The following CHST14 variants were observed in gnomAD, a reference collection of about 807,000 sequenced individuals.
CHST14 encodes carbohydrate (N-acetylgalactosamine 4-0) sulfotransferase 14.
CHST14 carries 13 observed loss-of-function variants against 22.7 expected under a neutral mutation model. The observed-to-expected ratio is 0.57, with a 90% CI of 0.37 to 0.91. The LOEUF (loss-of-function observed/expected upper bound fraction) is 0.91. Among genes scored for constraint, CHST14 ranks in the 40% least tolerant of loss-of-function variants. CHST14 has a pLI of 0.01. For missense variants in CHST14, 466 were observed against 513.1 expected (o/e 0.91, Z 0.89); for synonymous variants, 233 against 231.9 (o/e 1.00, Z -0.04).
Position 40,472,055 on chromosome 15 carries a change from C to T in CHST14, c.842C>T (p.Pro281Leu), listed in dbSNP as rs267606729. The T allele has an allele frequency of 7.4e-6, 12 of 1,614,152 alleles. No individual in the cohort carries two copies. The East Asian group carries it at 2.7e-4, about 36-fold the overall frequency. ...DPERMNEHWM[P>L]VYHLCQPCAV... is the part of the protein sequence containing the mutation. ...GAGCGCATGAATGAGCATTGGATGC[C>T]CGTGTACCACCTGTGCCAGCCTTGT... is the stretch of plus-strand genomic sequence containing the variant. Residue 281 changes from proline (P) to leucine (L), a missense_variant, in exon 1 of 1, where the codon CCC (proline) becomes CTC (leucine). Physicochemically the swap from Pro to Leu is moderately conservative, Grantham distance 98. Transcript: ENST00000306243.
At position 40,471,540 on chromosome 15, in the gene CHST14, G is replaced by A. The variant is rs1293305391; in HGVS notation, c.327G>A (p.Arg109=). The A allele has an allele frequency of 6.2e-7, 1 of 1,605,018 alleles. No homozygotes were observed. The highest frequency in any genetic ancestry group is 8.5e-7 in the Non-Finnish European group (1 of 1,177,778). ...DADLQVRQDV[R]NRTLRAVCGQ... Reference sequence around the variant, plus strand: ...ACTTGCAAGTGCGGCAGGACGTCCGGAACAGGACCCTGCGGGCGGTGTGCG... The same window carrying A: ...ACTTGCAAGTGCGGCAGGACGTCCGAAACAGGACCCTGCGGGCGGTGTGCG... Residue 109 remains arginine (R), a synonymous_variant, in exon 1 of 1, where the codon CGG becomes CGA. Coordinates refer to ENST00000306243, the MANE Select transcript of CHST14 (RefSeq NM_130468.4). The surrounding 1 kb of genome is among the most constrained non-coding windows in gnomAD (Gnocchi z 6.4).
Position 40,471,591 on chromosome 15 carries a change from C to G in CHST14, c.378C>G (p.Pro126=), listed in dbSNP as rs752221539. The G allele has an allele frequency of 8.7e-6, 14 of 1,611,948 alleles. No homozygotes were observed. The highest frequency in any genetic ancestry group is 1.2e-5 in the Non-Finnish European group (14 of 1,179,782). ...GACAGCCAGGCATGCCCCGGGACCC[C>G]TGGGACTTGCCGGTGGGGCAGCGGC... ...VCGQPGMPRD[P]WDLPVGQRRT... The change falls in exon 1 of 1, where the codon CCC becomes CCG. Residue 126 remains proline, a synonymous_variant. Coordinates refer to ENST00000306243, the MANE Select transcript of CHST14 (RefSeq NM_130468.4). This position sits in a 1 kb window ranked among gnomAD's most constrained non-coding sequence, Gnocchi z 6.4.
chr15:40,471,896 G>C lies in CHST14; in HGVS notation c.683G>C (p.Gly228Ala). The C allele has an allele frequency of 6.2e-7, 1 of 1,614,116 alleles. No homozygotes were observed. The highest frequency in any genetic ancestry group is 1.1e-5 in the South Asian group (1 of 91,086). Residue 228 changes from glycine to alanine, a missense_variant, in exon 1 of 1, where the codon GGC becomes GCC. Coordinates refer to ENST00000306243, the MANE Select transcript of CHST14 (RefSeq NM_130468.4). This position sits in a 1 kb window ranked among gnomAD's most constrained non-coding sequence, Gnocchi z 6.4. ...RLLSAYRNKF[G>A]EIREYQQRYG... ...CTCTCTGCCTACCGCAACAAGTTTG[G>C]CGAGATCCGAGAGTACCAGCAACGC...
rs761965484 is a variant in CHST14, at chr15:40,471,660, C to T, written c.447C>T (p.Phe149=). 1.2e-5 allele frequency: 20 copies of T among 1,613,544 alleles called. No homozygotes were observed. The Admixed American group carries it at 1.8e-4, about 15-fold the overall frequency. The change falls in exon 1 of 1, where the codon TTC becomes TTT. Residue 149 remains phenylalanine, a synonymous_variant. Coordinates refer to ENST00000306243, the MANE Select transcript of CHST14 (RefSeq NM_130468.4). This position sits in a 1 kb window ranked among gnomAD's most constrained non-coding sequence, Gnocchi z 6.4. ...TCCTCGTAAGTGACCGTTACCGCTT[C>T]CTCTACTGCTACGTCCCCAAGGTGG... ...RHILVSDRYR[F]LYCYVPKVAC... is the part of the protein sequence containing the mutation.
Position 40,473,022 on chromosome 15 carries a change from G to A in CHST14, c.*678G>A, listed in dbSNP as rs1894371229. ...CCTTCCTTCCCCACAAGGCCTTTGA[G>A]GTTGTGACTGTGGCTGGTATATCTG... is the stretch of plus-strand genomic sequence containing the variant. On this transcript the variant is annotated 3_prime_UTR_variant, in exon 1 of 1. Coordinates refer to ENST00000306243, the MANE Select transcript of CHST14 (RefSeq NM_130468.4). 6.0e-6 allele frequency: 1 copy of A among 167,056 alleles called. No homozygotes were observed. Among genetic ancestry groups the A allele is most frequent in the East Asian group, 1.9e-4 (1 of 5,210 alleles). The allele number at this position is 167,056 out of a possible 1,614,324, so 10.3% of individuals were successfully genotyped here.
In CHST14 at chr15:40,471,897, C is replaced by T. The variant is rs1894354620; in HGVS notation, c.684C>T (p.Gly228=). ...TCTCTGCCTACCGCAACAAGTTTGG[C>T]GAGATCCGAGAGTACCAGCAACGCT... ...RLLSAYRNKF[G]EIREYQQRYG... Residue 228 remains glycine (G), a synonymous_variant, in exon 1 of 1, where the codon GGC becomes GGT. Transcript: ENST00000306243. The surrounding 1 kb of genome is among the most constrained non-coding windows in gnomAD (Gnocchi z 6.4). 6.2e-7 allele frequency: 1 copy of T among 1,614,084 alleles called. No individual in the cohort carries two copies. Among genetic ancestry groups the T allele is most frequent in the Non-Finnish European group, 8.5e-7 (1 of 1,180,036 alleles).
At position 40,471,855 on chromosome 15, in the gene CHST14, G is replaced by A. The variant is rs146662235; in HGVS notation, c.642G>A (p.Glu214=). 3.1e-6 allele frequency: 5 copies of A among 1,613,822 alleles called. No individual in the cohort carries two copies. In the African/African-American group the frequency reaches 6.7e-5, roughly 22 times the overall value. ...QHYFKFLFVR[E]PLERLLSAYR... The stretch of plus-strand genomic sequence containing the variant: ...ACTTTAAGTTCCTGTTTGTGCGGGA[G>A]CCCTTGGAACGCCTCCTCTCTGCCT... Residue 214 remains glutamate (E), a synonymous_variant, in exon 1 of 1, where the codon GAG becomes GAA. Coordinates refer to ENST00000306243, the MANE Select transcript of CHST14 (RefSeq NM_130468.4). The surrounding 1 kb of genome is among the most constrained non-coding windows in gnomAD (Gnocchi z 6.4).
In CHST14 at chr15:40,472,293, C is replaced by T. The variant is rs1252462392; in HGVS notation, c.1080C>T (p.Ser360=). ...DVLPKYILDF[S]LFAYPLPNVT... Reference sequence around the variant, plus strand: ...TGCCTAAGTATATCCTGGACTTCTCCCTCTTTGCCTACCCACTGCCTAATG... The same window carrying T: ...TGCCTAAGTATATCCTGGACTTCTCTCTCTTTGCCTACCCACTGCCTAATG... Residue 360 remains serine (S), a synonymous_variant, in exon 1 of 1, where the codon TCC becomes TCT. Coordinates refer to ENST00000306243, the MANE Select transcript of CHST14 (RefSeq NM_130468.4). 2 of 1,602,288 alleles carry T rather than the reference C, an allele frequency of 1.2e-6. No homozygotes were observed. The highest frequency in any genetic ancestry group is 1.7e-6 in the Non-Finnish European group (2 of 1,172,562).
rs772414795 is a variant in CHST14 at position 40,471,984 on chromosome 15, T to C, written c.771T>C (p.Asp257=). ...CGGGGCCCAGCCCTGCAGGCGACGA[T>C]GTCACATTCCCCGAGTTCCTGAGAT... is the stretch of plus-strand genomic sequence containing the variant. ...AGAGPSPAGD[D]VTFPEFLRYL... Residue 257 remains aspartate (D), a synonymous_variant, in exon 1 of 1, where the codon GAT becomes GAC. Transcript: ENST00000306243. This position sits in a 1 kb window ranked among gnomAD's most constrained non-coding sequence, Gnocchi z 6.4. The C allele has an allele frequency of 1.2e-6, 2 of 1,614,132 alleles. No individual in the cohort carries two copies. The highest frequency in any genetic ancestry group is 1.7e-6 in the Non-Finnish European group (2 of 1,180,022).
chr15:40,471,656 G>A lies in CHST14; in HGVS notation c.443G>A (p.Arg148His). 1.2e-6 allele frequency: 2 copies of A among 1,613,586 alleles called. No homozygotes were observed. The highest frequency in any genetic ancestry group is 1.7e-6 in the Non-Finnish European group (2 of 1,180,014). Residue 148 changes from arginine to histidine, a missense_variant, in exon 1 of 1, where the codon CGC becomes CAC. Arg to His is a conservative substitution (Grantham distance 29, BLOSUM62 0). Coordinates refer to ENST00000306243, the MANE Select transcript of CHST14 (RefSeq NM_130468.4). The surrounding 1 kb of genome is among the most constrained non-coding windows in gnomAD (Gnocchi z 6.4). Reference protein sequence around the residue: ...LRHILVSDRYRFLYCYVPKVA... With the variant: ...LRHILVSDRYHFLYCYVPKVA... Reference sequence around the variant, plus strand: ...CACATCCTCGTAAGTGACCGTTACCGCTTCCTCTACTGCTACGTCCCCAAG... The same window carrying A: ...CACATCCTCGTAAGTGACCGTTACCACTTCCTCTACTGCTACGTCCCCAAG...
In CHST14 at chr15:40,472,579, C is replaced by CACCA. The variant is rs942780487; in HGVS notation, c.*236_*239dup. 1.4e-5 allele frequency: 8 copies of CACCA among 561,010 alleles called. 2 individuals carry two copies. 34.8% of individuals were successfully genotyped at this position (561,010 alleles called of 1,614,324 possible). ...TTGGGGGGATCTCTTGGGGGGCAGACACCAGTTTGCCAATGAAGCAACACA... is the reference window on the plus strand; with the variant it reads ...TTGGGGGGATCTCTTGGGGGGCAGACACCAACCAGTTTGCCAATGAAGCAACACA... On this transcript the variant is annotated 3_prime_UTR_variant, in exon 1 of 1. Coordinates refer to ENST00000306243, the MANE Select transcript of CHST14 (RefSeq NM_130468.4).
rs772159874 is a variant in CHST14 at position 40,472,223 on chromosome 15, A to G, written c.1010A>G (p.His337Arg). The part of the protein sequence containing the change: ...WYRPASPESL[H>R]YHLCSAPRAL... ...CGGCCAGCCAGCCCCGAAAGCCTGC[A>G]TTACCACTTGTGCAGTGCCCCCCGG... The change falls in exon 1 of 1, where the codon CAT becomes CGT. Residue 337 changes from histidine to arginine, a missense_variant. By Grantham distance (29) the His-to-Arg change is conservative. Coordinates refer to ENST00000306243, the MANE Select transcript of CHST14 (RefSeq NM_130468.4). 2.3e-5 allele frequency: 37 copies of G among 1,614,020 alleles called. No homozygotes were observed. The highest frequency in any genetic ancestry group is 3.1e-5 in the Non-Finnish European group (37 of 1,180,012).
Position 40,471,811 on chromosome 15 carries a change from C to G in CHST14, c.598C>G (p.Arg200Gly). 6.2e-7 allele frequency: 1 copy of G among 1,613,772 alleles called. No individual in the cohort carries two copies. The highest frequency in any genetic ancestry group is 8.5e-7 in the Non-Finnish European group (1 of 1,180,042). The change falls in exon 1 of 1, where the codon CGC becomes GGC. Residue 200 changes from arginine to glycine, a missense_variant. Coordinates refer to ENST00000306243, the MANE Select transcript of CHST14 (RefSeq NM_130468.4). This position sits in a 1 kb window ranked among gnomAD's most constrained non-coding sequence, Gnocchi z 6.4. ...GGCCGACCTGCGGCCTGAGGAGATT[C>G]GCTACCGCCTGCAGCACTACTTTAA... is the stretch of plus-strand genomic sequence containing the variant. ...FLADLRPEEI[R>G]YRLQHYFKFL...
chr15:40,471,523 G>A lies in CHST14; in HGVS notation c.310G>A (p.Val104Met), dbSNP rs775525832. 20 of 1,600,914 alleles carry A rather than the reference G, an allele frequency of 1.2e-5. No homozygotes were observed. Among genetic ancestry groups the A allele is most frequent in the Middle Eastern group, 3.3e-4 (2 of 6,054 alleles). ...CAGGGCTGGGGACGCGGACTTGCAA[G>A]TGCGGCAGGACGTCCGGAACAGGAC... ...SLRAGDADLQ[V>M]RQDVRNRTLR... The change falls in exon 1 of 1, where the codon GTG becomes ATG. Residue 104 changes from valine to methionine, a missense_variant. Coordinates refer to ENST00000306243, the MANE Select transcript of CHST14 (RefSeq NM_130468.4). This position sits in a 1 kb window ranked among gnomAD's most constrained non-coding sequence, Gnocchi z 6.4.
chr15:40,471,432 G>T lies in CHST14; in HGVS notation c.219G>T (p.Leu73=). The T allele has an allele frequency of 6.4e-7, 1 of 1,563,966 alleles. No individual in the cohort carries two copies. Residue 73 remains leucine, a synonymous_variant, in exon 1 of 1, where the codon CTG becomes CTT. Transcript: ENST00000306243. This position sits in a 1 kb window ranked among gnomAD's most constrained non-coding sequence, Gnocchi z 6.4. ...TGGCCGAGATGAAGCCCCTGCCCCT[G>T]CACCCGCCCGGCCGCGAGGGCACAG... The part of the protein sequence containing the change: ...GILAEMKPLP[L]HPPGREGTAW...
Position 40,471,587 on chromosome 15 carries a change from A to T in CHST14, c.374A>T (p.Asp125Val). 6.2e-7 allele frequency: 1 copy of T among 1,611,180 alleles called. No individual in the cohort carries two copies. Among genetic ancestry groups the T allele is most frequent in the Non-Finnish European group, 8.5e-7 (1 of 1,179,462 alleles). The change falls in exon 1 of 1, where the codon GAC (aspartate) becomes GTC (valine). Residue 125 changes from aspartate to valine, a missense_variant. Transcript: ENST00000306243. The surrounding 1 kb of genome is among the most constrained non-coding windows in gnomAD (Gnocchi z 6.4). ...AVCGQPGMPR[D>V]PWDLPVGQRR... ...TGCGGACAGCCAGGCATGCCCCGGG[A>T]CCCCTGGGACTTGCCGGTGGGGCAG...
rs1329944900 is a variant in CHST14 at position 40,472,397 on chromosome 15, T to G, written c.*53T>G. 1 of 1,537,610 alleles carries G rather than the reference T, an allele frequency of 6.5e-7. No homozygotes were observed. The highest frequency in any genetic ancestry group is 8.8e-7 in the Non-Finnish European group (1 of 1,140,006). On this transcript the variant is annotated 3_prime_UTR_variant, in exon 1 of 1. Transcript: ENST00000306243. ...GGGACTGGTTTCAACGCCAGCTTTC[T>G]GTGCTTCTGCCTGTCATTCGGAGAA...
Position 40,471,588 on chromosome 15 carries a change from C to T in CHST14, c.375C>T (p.Asp125=). ...AVCGQPGMPR[D]PWDLPVGQRR... The stretch of plus-strand genomic sequence containing the variant: ...GCGGACAGCCAGGCATGCCCCGGGA[C>T]CCCTGGGACTTGCCGGTGGGGCAGC... Residue 125 remains aspartate (D), a synonymous_variant, in exon 1 of 1, where the codon GAC becomes GAT. Transcript: ENST00000306243. The surrounding 1 kb of genome is among the most constrained non-coding windows in gnomAD (Gnocchi z 6.4). The T allele has an allele frequency of 6.2e-7, 1 of 1,611,702 alleles. No homozygotes were observed. Among genetic ancestry groups the T allele is most frequent in the Non-Finnish European group, 8.5e-7 (1 of 1,179,702 alleles).
Position 40,472,336 on chromosome 15 carries a change from C to G in CHST14, c.1123C>G (p.Gln375Glu), listed in dbSNP as rs1222805408. 1 of 1,595,570 alleles carries G rather than the reference C, an allele frequency of 6.3e-7. No homozygotes were observed. Among genetic ancestry groups the G allele is most frequent in the Middle Eastern group, 1.7e-4 (1 of 5,998 alleles). Residue 375 changes from glutamine to glutamate, a missense_variant, in exon 1 of 1, where the codon CAG becomes GAG. Physicochemically the swap from Gln to Glu is conservative, Grantham distance 29 (BLOSUM62 2). Transcript: ENST00000306243. ...PLPNVTKEAC[Q>E]Q ...GCCTAATGTCACCAAGGAGGCGTGTCAGCAGTGACCATGGGTGTGGGGCCA... is the reference window on the plus strand; with the variant it reads ...GCCTAATGTCACCAAGGAGGCGTGTGAGCAGTGACCATGGGTGTGGGGCCA...
Sources: gnomAD v4.1 joint callset for allele counts on GRCh38, gnomAD v4.1.1 for gene constraint, Gnocchi (gnomAD v3.1) non-coding constraint, MANE v1.5 for transcripts, NCBI Gene and HGNC (gene_info 2026-07-23, HGNC 2026-07-21) for gene names.